SCHIP1: variants seen among roughly 807,000 people sequenced by gnomAD.
The protein encoded by SCHIP1 is schwannomin-interacting protein 1.
Under a neutral mutation model 29.7 loss-of-function variants are expected in SCHIP1, and 8 were observed. The observed-to-expected ratio is 0.27, with a 90% CI of 0.16 to 0.49. The LOEUF is 0.49. SCHIP1 is among the 20% of genes least tolerant of loss of function. The pLI is 0.99. For synonymous variants in SCHIP1, 76 were observed against 94.9 expected (o/e 0.80, Z 1.16); for missense variants, 193 against 294.6 (o/e 0.66, Z 2.52).
the SCHIP1 span, among the ~76,000 whole-genome samples, chr3:159,727,128 A>G: frequency 6.6e-6 from 1 of 152,236 alleles, no homozygotes; most frequent in Non-Finnish European, 1.5e-5. Flanking sequence ...AAACCATCCT[A>G]TAATGCTTGT....
intron 1 of SCHIP1, among the ~76,000 whole-genome samples, chr3:159,863,306 C>T (rs1453556033): frequency 6.6e-6 from 1 of 151,820 alleles, no homozygotes. Flanking sequence ...TGCCACTGCA[C>T]TCCAGCCTGG....
the SCHIP1 span, among the ~76,000 whole-genome samples, chr3:159,366,935 A>G: frequency 2.2e-3 from 341 of 152,314 alleles, 1 homozygote; most frequent in Non-Finnish European, 3.4e-3. Flanking sequence ...AAATATTTCA[A>G]TGCCCCTGGA....
the SCHIP1 span, among the ~76,000 whole-genome samples, chr3:159,670,610 C>T: frequency 6.6e-6 from 1 of 152,014 alleles, no homozygotes; most frequent in Non-Finnish European, 1.5e-5. Flanking sequence ...GTCAGATATT[C>T]TATATGGACA....
At chr3:159,765,060 G>A in the SCHIP1 span, 2 of 1,562,696 alleles carry the variant, frequency 1.3e-6, no homozygotes, top group Non-Finnish European at 1.7e-6. Context: ...GGGAGGCGCT[G>A]GAGAAGCATC....
At chr3:159,883,416 A>T (rs961171415) in intron 2 of SCHIP1, among the ~76,000 whole-genome samples, 3 of 152,032 alleles carry the variant, frequency 2.0e-5, no homozygotes, top group African/African-American at 7.2e-5. Context: ...AAGAACAGCC[A>T]TGTCTCCCAG....
chr3:159,471,515 G>A, the SCHIP1 span, among the ~76,000 whole-genome samples: 1 of 151,710 alleles, frequency 6.6e-6, no homozygotes, highest in Non-Finnish European at 1.5e-5. Flanking sequence ...CATTTGCCAG[G>A]ACTCTAATAA....
the SCHIP1 span, among the ~76,000 whole-genome samples, chr3:159,616,823 ACCATCTGGAACAGCCG>A: frequency 1.3e-5 from 2 of 152,170 alleles, no homozygotes; most frequent in African/African-American, 4.8e-5. Flanking sequence ...TGGAACAGCC[ACCATCTGGAACAGCCG>A]CCATCTAGAT....
chr3:159,512,673 C>A, the SCHIP1 span, among the ~76,000 whole-genome samples: 1 of 152,160 alleles, frequency 6.6e-6, no homozygotes, highest in African/African-American at 2.4e-5. Flanking sequence ...ATGGGACATA[C>A]CCTCAAGCAT....
chr3:159,638,403 T>C, the SCHIP1 span, among the ~76,000 whole-genome samples: 1 of 152,202 alleles, frequency 6.6e-6, no homozygotes, highest in African/African-American at 2.4e-5. Context: ...TTGTCTCACC[T>C]GAGTCATAAT....
chr3:159,754,069 C>T, the SCHIP1 span, among the ~76,000 whole-genome samples: 2 of 121,064 alleles, frequency 1.7e-5, no homozygotes, highest in Admixed American at 1.6e-4. Flanking sequence ...AGACTTAAAT[C>T]CCACTTGGAG....
the SCHIP1 span, among the ~76,000 whole-genome samples, chr3:159,308,178 T>A: frequency 2.0e-5 from 3 of 152,182 alleles, no homozygotes; most frequent in Non-Finnish European, 4.4e-5. Context: ...ATGGCCATTT[T>A]TTCTGATTTT....
the SCHIP1 span, among the ~76,000 whole-genome samples, chr3:159,788,671 T>A: frequency 6.6e-6 from 1 of 152,122 alleles, no homozygotes; most frequent in Non-Finnish European, 1.5e-5. Context: ...AAAATATGCA[T>A]GGAGAGCCTA....
chr3:159,833,020 A>G, the SCHIP1 span, among the ~76,000 whole-genome samples: 4 of 152,210 alleles, frequency 2.6e-5, no homozygotes, highest in African/African-American at 9.7e-5. Context: ...TGGGAAAAAC[A>G]TGGTATGTAT....
intron 2 of SCHIP1, among the ~76,000 whole-genome samples, chr3:159,883,380 A>G (rs569378788): frequency 9.2e-5 from 14 of 151,914 alleles, no homozygotes; most frequent in African/African-American, 3.1e-4. Flanking sequence ...AGGCCCGGGG[A>G]ACTGTGGTTT....
chr3:159,553,993 TG>T, the SCHIP1 span, among the ~76,000 whole-genome samples: 1 of 124,290 alleles, frequency 8.0e-6, no homozygotes, highest in African/African-American at 4.2e-5. Flanking sequence ...TGTGTGTGTG[TG>T]TGTGTGTGTG....
the SCHIP1 span, among the ~76,000 whole-genome samples, chr3:159,424,629 C>A: frequency 6.6e-6 from 1 of 152,152 alleles, no homozygotes; most frequent in Non-Finnish European, 1.5e-5. Flanking sequence ...AGGATATTAT[C>A]CAGGAGAACT....
chr3:159,316,798 TAAAAG>T, the SCHIP1 span, among the ~76,000 whole-genome samples: 2 of 152,156 alleles, frequency 1.3e-5, no homozygotes, highest in Non-Finnish European at 2.9e-5. Context: ...CGTCACATGA[TAAAAG>T]AAAAGGAAAT....
At chr3:159,840,099 C>T (rs891984233) in exon 1 of SCHIP1, 5 of 1,527,278 alleles carry the variant, frequency 3.3e-6, no homozygotes, top group East Asian at 2.5e-5. Flanking sequence ...GCGTTCTCTC[C>T]GCCCGCCGGT....
chr3:159,502,295 C>T, the SCHIP1 span, among the ~76,000 whole-genome samples: 3 of 152,062 alleles, frequency 2.0e-5, no homozygotes, highest in East Asian at 5.8e-4. Context: ...GCGTTATGTG[C>T]ATGTGTTGGG....
Sources: allele counts gnomAD v4.1 joint callset (sites outside exome capture counted in the v4.1 genomes callset), GRCh38; gene constraint gnomAD v4.1.1; transcripts MANE v1.5; gene names NCBI Gene and HGNC (gene_info 2026-07-23, HGNC 2026-07-21).